Variants in ABCC9 observed in about 807,000 individuals in gnomAD.
The protein encoded by ABCC9 is ATP-binding cassette sub-family C member 9.
Under a neutral mutation model 188.3 loss-of-function variants are expected in ABCC9, and 95 were observed. That is an observed-to-expected ratio of 0.50 (90% CI 0.43 to 0.60). The LOEUF (loss-of-function observed/expected upper bound fraction) is 0.60, where lower values mean the gene tolerates loss of function less well. ABCC9 is among the 20% of genes least tolerant of loss of function. The probability of loss-of-function intolerance (pLI) is 0.00; values close to 1 mark genes in which losing one functional copy is unlikely to be tolerated. For synonymous variants in ABCC9, 659 were observed against 652.7 expected, an observed-to-expected ratio of 1.01 and a Z score of -0.15; for missense variants, 1,102 against 1,876.3, an observed-to-expected ratio of 0.59 and a Z score of 7.62.
intron 7 of ABCC9, 28 bp downstream of exon 7, chr12:21,915,640 A>C (rs1948571918): frequency 1.2e-6 from 2 of 1,609,220 alleles, no homozygotes; most frequent in Middle Eastern, 1.7e-4. Flanking sequence ...TCTGTAATTA[A>C]GCACATGGAA....
intron 31 of ABCC9, among the ~76,000 whole-genome samples, chr12:21,822,594 T>C (rs1035170380): frequency 7.9e-5 from 12 of 151,736 alleles, no homozygotes; most frequent in African/African-American, 2.9e-4. Flanking sequence ...GGTCAGGAGA[T>C]CGAGACCATC....
chr12:21,815,788 T>C lies in ABCC9; in HGVS notation c.3998A>G (p.Lys1333Arg), dbSNP rs2137173907. 6.2e-7 allele frequency: 1 copy of C among 1,613,300 alleles called. No homozygotes were observed. Among genetic ancestry groups the C allele is most frequent in the Non-Finnish European group, 8.5e-7 (1 of 1,179,614 alleles). The change falls in exon 34 of 40, where the codon AAG (lysine) becomes AGG (arginine). Residue 1333 changes from lysine (K) to arginine (R), a missense_variant. Physicochemically the swap from Lys to Arg is conservative, Grantham distance 26. Around this residue, in one of 12 missense-constraint regions of ABCC9, gnomAD observed 143 missense variants for 225.6 expected, o/e 0.63. Transcript: ENST00000261200. ...CTTTTGTCCAGGTTTGATGTAAGCC[T>C]TGACGTGCTTAAGAACAGGTTTCAG... The part of the protein sequence containing the change: ...NNLKPVLKHV[K>R]AYIKPGQKVG...
chr12:21,933,288 C>T (rs1203009261), intron 4 of ABCC9, among the ~76,000 whole-genome samples: 1 of 151,674 alleles, frequency 6.6e-6, no homozygotes, highest in African/African-American at 2.4e-5. Flanking sequence ...AGGATTAATA[C>T]CAGGGTGATG....
chr12:21,864,590 T>G, intron 18 of ABCC9, 113 bp from the exon 19 acceptor site: 1 of 751,980 alleles, frequency 1.3e-6, no homozygotes, highest in Non-Finnish European at 2.3e-6. Context: ...AGAGCACATT[T>G]CCCAAATGGT....
intron 7 of ABCC9, 62 bp downstream of exon 7, chr12:21,915,606 A>T: frequency 6.3e-7 from 1 of 1,583,276 alleles, no homozygotes; most frequent in Non-Finnish European, 8.6e-7. Context: ...TCTGCCTCCC[A>T]GGTTCATGCC....
Position 21,867,822 on chromosome 12 carries a change from GAAAAAA to G in ABCC9, c.2199-3351_2199-3346del, listed in dbSNP as rs11373840. On this transcript the variant is annotated intron_variant, in intron 18 of 39. Transcript: ENST00000261200. ...TTGATGGCATGGGTGAGAGGGAAAA[GAAAAAA>G]AAAAAAAAAGGAAAACAAAGATAAA... 2.2e-5 allele frequency among the ~76,000 whole-genome samples: 3 copies of G among 137,906 alleles called. No individual in the cohort carries two copies. In the East Asian group the frequency reaches 6.3e-4, roughly 29 times the overall value. 90.5% of individuals were successfully genotyped at this position (137,906 alleles called of 152,430 possible). A position where few individuals can be genotyped will look rare whatever the true frequency, so the allele number is the denominator to read the frequency against.
intron 9 of ABCC9, 51 bp from the exon 10 acceptor site, chr12:21,910,363 A>G (rs1172008711): frequency 1.3e-6 from 2 of 1,481,796 alleles, no homozygotes; most frequent in African/African-American, 1.4e-5. Flanking sequence ...TAAAATTGAC[A>G]CTATGATTAT....
chr12:21,902,216 G>T (rs1350783881), intron 12 of ABCC9, among the ~76,000 whole-genome samples: 4 of 152,132 alleles, frequency 2.6e-5, no homozygotes, highest in Non-Finnish European at 5.9e-5. Flanking sequence ...ATAACGAAAT[G>T]AAGGCAGAAA....
chr12:21,839,132 T>A (rs1447559776), intron 29 of ABCC9, among the ~76,000 whole-genome samples: 3 of 152,174 alleles, frequency 2.0e-5, no homozygotes, highest in Non-Finnish European at 4.4e-5. Flanking sequence ...GTGAGGAAGA[T>A]CAGTTAATAT....
intron 19 of ABCC9, among the ~76,000 whole-genome samples, chr12:21,864,023 T>G (rs1247175121): frequency 6.7e-6 from 1 of 149,582 alleles, no homozygotes; most frequent in African/African-American, 2.5e-5. Flanking sequence ...ACTCAGCTCT[T>G]TAAGGTTTTT....
chr12:21,892,368 T>C (rs967956009), intron 14 of ABCC9, among the ~76,000 whole-genome samples: 4 of 152,324 alleles, frequency 2.6e-5, no homozygotes, highest in Non-Finnish European at 5.9e-5. Context: ...TCTCCACTTG[T>C]AGTACAAAGT....
chr12:21,887,486 G>A (rs1447183044), intron 15 of ABCC9, among the ~76,000 whole-genome samples: 2 of 152,132 alleles, frequency 1.3e-5, no homozygotes, highest in Non-Finnish European at 2.9e-5. Context: ...AAACTATAAA[G>A]TGTAGTATAG....
chr12:21,931,704 T>C (rs371064307), intron 4 of ABCC9, among the ~76,000 whole-genome samples: 1 of 152,174 alleles, frequency 6.6e-6, no homozygotes, highest in African/African-American at 2.4e-5. Context: ...TATCTTCTAC[T>C]TTATACATAC....
rs1387131232 is a variant in ABCC9, at chr12:21,930,388, A to G, written c.284+3394T>C. On this transcript the variant is annotated intron_variant, in intron 4 of 39. Transcript: ENST00000261200. ...TCAATAAACAGATCTATATAGCACTATAAAAATTCAAATTTTTTTTTACAA... is the reference window on the plus strand; with the variant it reads ...TCAATAAACAGATCTATATAGCACTGTAAAAATTCAAATTTTTTTTTACAA... 2.6e-5 allele frequency among the ~76,000 whole-genome samples: 4 copies of G among 152,332 alleles called. No individual in the cohort carries two copies. The East Asian group carries it at 7.7e-4, about 29-fold the overall frequency.
intron 18 of ABCC9, among the ~76,000 whole-genome samples, chr12:21,867,629 C>G (rs1359159861): frequency 6.6e-6 from 1 of 152,014 alleles, no homozygotes; most frequent in African/African-American, 2.4e-5. Context: ...ACATCTGACC[C>G]AGGAAAGCTG....
At chr12:21,913,197 A>C in intron 7 of ABCC9, 131 bp from the exon 8 acceptor site, 1 of 772,602 alleles carries the variant, frequency 1.3e-6, no homozygotes. Flanking sequence ...ATTGATGTTA[A>C]TGTGTGCCTT....
chr12:21,926,804 G>C (rs1949064047), intron 4 of ABCC9, among the ~76,000 whole-genome samples: 1 of 152,196 alleles, frequency 6.6e-6, no homozygotes, highest in Non-Finnish European at 1.5e-5. Context: ...TGACTGCAAG[G>C]AGAATAGACT....
intron 6 of ABCC9, 24 bp from the exon 7 acceptor site, chr12:21,915,934 T>G: frequency 6.2e-7 from 1 of 1,601,746 alleles, no homozygotes; most frequent in African/African-American, 1.3e-5. Context: ...AATTCCACAG[T>G]ATAACAATTA....
intron 31 of ABCC9, among the ~76,000 whole-genome samples, chr12:21,823,014 A>G (rs1430054747): frequency 2.0e-5 from 3 of 152,188 alleles, no homozygotes; most frequent in Non-Finnish European, 4.4e-5. Context: ...GGGATCACTA[A>G]TAGCATTTAT....
Sources: gnomAD v4.1 joint callset for allele counts (sites outside exome capture counted in the v4.1 genomes callset) on GRCh38, gnomAD v4.1.1 for gene constraint, gnomAD v4.1.1 regional missense constraint, MANE v1.5 for transcripts, NCBI Gene and HGNC (gene_info 2026-07-23, HGNC 2026-07-21) for gene names.